Variants in PXDNL observed in about 807,000 individuals in gnomAD.
The protein encoded by PXDNL is peroxidasin like.
PXDNL carries 145 observed loss-of-function variants against 150.8 expected under a neutral mutation model. That is an observed-to-expected ratio of 0.96 (90% CI 0.84 to 1.10). The LOEUF is 1.10. Among genes scored for constraint, PXDNL ranks in the 50% least tolerant of loss-of-function variants. The pLI, the probability that PXDNL is intolerant of heterozygous loss-of-function variation, is 0.00. For missense variants in PXDNL, 2,087 were observed against 1,873.9 expected (o/e 1.11, Z -2.10); for synonymous variants, 757 against 725.7 (o/e 1.04, Z -0.69).
At chr8:51,337,743 G>A (rs563728999) in intron 21 of PXDNL, among the ~76,000 whole-genome samples, 1 of 151,646 alleles carries the variant, frequency 6.6e-6, no homozygotes, top group Non-Finnish European at 1.5e-5. Flanking sequence ...TGGGCATGGT[G>A]GTGGGCGCCT....
intron 21 of PXDNL, among the ~76,000 whole-genome samples, chr8:51,323,339 G>C (rs1805384430): frequency 1.3e-5 from 2 of 152,230 alleles, no homozygotes; most frequent in South Asian, 4.1e-4. Context: ...GAGTGTAGTG[G>C]CACCATCATG....
intron 4 of PXDNL, among the ~76,000 whole-genome samples, chr8:51,527,583 G>A (rs1057137668): frequency 6.6e-6 from 1 of 152,150 alleles, no homozygotes; most frequent in Non-Finnish European, 1.5e-5. Flanking sequence ...TATGGCCCAG[G>A]GCTCAGAACA....
At chr8:51,612,528 C>A (rs1814033629) in intron 2 of PXDNL, among the ~76,000 whole-genome samples, 1 of 152,166 alleles carries the variant, frequency 6.6e-6, no homozygotes, top group Non-Finnish European at 1.5e-5. Context: ...CCCCCCACTG[C>A]CCCCAAATAC....
At chr8:51,459,615 G>T (rs902754429) in intron 8 of PXDNL, among the ~76,000 whole-genome samples, 1 of 151,956 alleles carries the variant, frequency 6.6e-6, no homozygotes, top group Admixed American at 6.6e-5. Context: ...TAACCTCTTC[G>T]TTATGCTCAT....
intron 19 of PXDNL, among the ~76,000 whole-genome samples, chr8:51,363,665 G>A (rs1036388352): frequency 3.9e-5 from 6 of 152,116 alleles, no homozygotes; most frequent in South Asian, 2.1e-4. Context: ...GTGGTGCTGC[G>A]CTGTATGTCT....
chr8:51,463,637 C>A (rs765262429), intron 8 of PXDNL, among the ~76,000 whole-genome samples: 9 of 152,170 alleles, frequency 5.9e-5, no homozygotes, highest in Non-Finnish European at 1.2e-4. Context: ...CTACAGAACA[C>A]TTTATCCAAT....
chr8:51,489,780 A>G (rs910193488), intron 5 of PXDNL, among the ~76,000 whole-genome samples: 1 of 152,210 alleles, frequency 6.6e-6, no homozygotes, highest in African/African-American at 2.4e-5. Context: ...TCAACTAATT[A>G]TGAGGAAATA....
chr8:51,446,789 A>G (rs1809685912), intron 12 of PXDNL, among the ~76,000 whole-genome samples: 1 of 152,176 alleles, frequency 6.6e-6, no homozygotes, highest in African/African-American at 2.4e-5. Context: ...TTTAAGGAAA[A>G]CATAATCATA....
chr8:51,385,870 C>T (rs949134241), intron 17 of PXDNL, among the ~76,000 whole-genome samples: 1 of 152,164 alleles, frequency 6.6e-6, no homozygotes, highest in Non-Finnish European at 1.5e-5. Flanking sequence ...GTAAGACATG[C>T]CTTTCACCTT....
At chr8:51,346,017 C>A (rs1010568215) in intron 19 of PXDNL, 70 bp from the exon 20 acceptor site, 3 of 955,576 alleles carry the variant, frequency 3.1e-6, no homozygotes, top group Non-Finnish European at 5.0e-6. Flanking sequence ...TAGATCATTT[C>A]TTTAACAGTC....
intron 3 of PXDNL, among the ~76,000 whole-genome samples, chr8:51,558,804 T>C (rs1318111238): frequency 6.6e-6 from 1 of 152,112 alleles, no homozygotes; most frequent in Non-Finnish European, 1.5e-5. Flanking sequence ...ACTACCTATA[T>C]TCAAGTTATA....
At chr8:51,560,058 T>C (rs1278654343) in intron 3 of PXDNL, among the ~76,000 whole-genome samples, 1 of 152,010 alleles carries the variant, frequency 6.6e-6, no homozygotes, top group Non-Finnish European at 1.5e-5. Context: ...AACTATTTCA[T>C]TTACAATAGC....
chr8:51,383,879 C>T (rs752170678), intron 17 of PXDNL, among the ~76,000 whole-genome samples: 10 of 152,092 alleles, frequency 6.6e-5, no homozygotes, highest in Non-Finnish European at 1.3e-4. Context: ...ATAATAACAA[C>T]TTTCATTCAG....
intron 11 of PXDNL, among the ~76,000 whole-genome samples, chr8:51,448,200 C>T (rs1809721732): frequency 6.6e-6 from 1 of 152,238 alleles, no homozygotes; most frequent in Non-Finnish European, 1.5e-5. Context: ...ATCGTCAATC[C>T]TGTTCTGTTA....
chr8:51,790,514 C>G, intron 1 of PXDNL, among the ~76,000 whole-genome samples: 1 of 152,190 alleles, frequency 6.6e-6, no homozygotes. Flanking sequence ...AGTTGCAAAC[C>G]TTTTCTTATT....
intron 4 of PXDNL, among the ~76,000 whole-genome samples, chr8:51,542,602 A>G (rs1812243827): frequency 6.6e-6 from 1 of 152,078 alleles, no homozygotes; most frequent in Non-Finnish European, 1.5e-5. Flanking sequence ...TGAGGTCAGC[A>G]GTTTGAGACC....
intron 1 of PXDNL, among the ~76,000 whole-genome samples, chr8:51,682,749 C>CGA (rs368984175): frequency 6.6e-6 from 1 of 151,916 alleles, no homozygotes; most frequent in African/African-American, 2.4e-5. Context: ...TATGACCATA[C>CGA]GAGAGAGAGA....
At chr8:51,551,412 G>A (rs13268807) in intron 4 of PXDNL, among the ~76,000 whole-genome samples, 10,508 of 152,096 alleles carry the variant, frequency 0.069, 449 homozygotes, top group South Asian at 0.1. Context: ...CACATTATCT[G>A]ACTATAAACT....
chr8:51,349,147 G>C (rs148779542), intron 19 of PXDNL, among the ~76,000 whole-genome samples: 2 of 130,918 alleles, frequency 1.5e-5, no homozygotes, highest in Non-Finnish European at 3.3e-5. Flanking sequence ...TGTTCAAGAG[G>C]CATAACGGTG....
Sources: gnomAD v4.1 joint callset for allele counts (sites outside exome capture counted in the v4.1 genomes callset) on GRCh38, gnomAD v4.1.1 for gene constraint, MANE v1.5 for transcripts, NCBI Gene and HGNC (gene_info 2026-07-23, HGNC 2026-07-21) for gene names.